The following DACH1 variants were observed in gnomAD, a reference collection of about 807,000 sequenced individuals.
DACH1 encodes the protein dachshund homolog 1.
DACH1 carries 12 observed loss-of-function variants against 54.2 expected under a neutral mutation model. The observed-to-expected ratio is 0.22, with a 90% CI of 0.14 to 0.36. The LOEUF (loss-of-function observed/expected upper bound fraction) is 0.36, where lower values mean the gene tolerates loss of function less well. DACH1 is among the 10% of genes least tolerant of loss of function. DACH1 has a pLI of 1.00. For synonymous variants in DACH1, 386 were observed against 366.2 expected (o/e 1.05, Z -0.62); for missense variants, 805 against 929.8 (o/e 0.87, Z 1.75).
At chr13:71,737,450 C>T (rs1478022421) in intron 1 of DACH1, among the ~76,000 whole-genome samples, 1 of 151,992 alleles carries the variant, frequency 6.6e-6, no homozygotes, top group African/African-American at 2.4e-5. Context: ...ACTAAAGCCA[C>T]AGAACATACA....
intron 1 of DACH1, among the ~76,000 whole-genome samples, chr13:71,761,915 G>T (rs1013461725): frequency 6.6e-6 from 1 of 151,922 alleles, no homozygotes; most frequent in African/African-American, 2.4e-5. Context: ...TGATTTAATA[G>T]ATAATATTTA....
intron 2 of DACH1, among the ~76,000 whole-genome samples, chr13:71,641,233 A>G (rs1877875428): frequency 1.3e-5 from 2 of 152,136 alleles, no homozygotes; most frequent in Non-Finnish European, 2.9e-5. Context: ...ATATACATAC[A>G]TATGTATGAA....
At chr13:71,654,454 T>TAAAATAAAATAAAATAAAATAAAATAAA (rs1287260256) in intron 2 of DACH1, among the ~76,000 whole-genome samples, 2 of 113,494 alleles carry the variant, frequency 1.8e-5, no homozygotes, top group Non-Finnish European at 3.8e-5. Context: ...TAAAATAAAA[T>TAAAATAAAATAAAATAAAATAAAATAAA]AAAGTAAAAT....
At chr13:71,544,721 A>C (rs1366180238) in intron 6 of DACH1, among the ~76,000 whole-genome samples, 2 of 152,140 alleles carry the variant, frequency 1.3e-5, no homozygotes, top group Non-Finnish European at 2.9e-5. Flanking sequence ...TGTGACAGAC[A>C]CTGAAGATCC....
chr13:71,785,035 T>G (rs1687301175), intron 1 of DACH1, among the ~76,000 whole-genome samples: 2 of 152,112 alleles, frequency 1.3e-5, no homozygotes, highest in Admixed American at 1.3e-4. Context: ...GGAAATAAAA[T>G]ATGCTAACAG....
intron 7 of DACH1, among the ~76,000 whole-genome samples, chr13:71,486,817 TATCTATCTATCTATC>T (rs1566289998): frequency 1.6e-3 from 10 of 6,306 alleles, no homozygotes; most frequent in African/African-American, 1.9e-3. Context: ...TTTATTTATC[TATCTATCTATCTATC>T]TATCTATCTA....
At chr13:71,578,283 G>C (rs966017223) in intron 3 of DACH1, among the ~76,000 whole-genome samples, 2 of 152,050 alleles carry the variant, frequency 1.3e-5, no homozygotes, top group Non-Finnish European at 2.9e-5. Context: ...TGAAAATGAC[G>C]GCAAGAGCAG....
chr13:71,748,844 C>CTCTTTCTTTCTT (rs201889116), intron 1 of DACH1, among the ~76,000 whole-genome samples: 56 of 131,218 alleles, frequency 4.3e-4, no homozygotes, highest in East Asian at 1.6e-3. Flanking sequence ...AATATTTTTT[C>CTCTTTCTTTCTT]TCTTTCTTTC....
chr13:71,617,663 C>G (rs114728221), intron 3 of DACH1, among the ~76,000 whole-genome samples: 1 of 152,168 alleles, frequency 6.6e-6, no homozygotes, highest in Admixed American at 6.5e-5. Flanking sequence ...ACAACATTTA[C>G]AACTACTCTA....
chr13:71,492,918 C>T (rs1027873090), intron 6 of DACH1, among the ~76,000 whole-genome samples: 1 of 151,820 alleles, frequency 6.6e-6, no homozygotes, highest in Admixed American at 6.6e-5. Flanking sequence ...ATGAAGAATA[C>T]GATGATTTAA....
chr13:71,672,786 T>C (rs1202292971), intron 2 of DACH1, among the ~76,000 whole-genome samples: 4 of 152,126 alleles, frequency 2.6e-5, no homozygotes, highest in Non-Finnish European at 5.9e-5. Context: ...ACATCCACAA[T>C]GTAACCAAGG....
chr13:71,659,356 C>T (rs1251986277), intron 2 of DACH1, among the ~76,000 whole-genome samples: 10 of 152,128 alleles, frequency 6.6e-5, no homozygotes, highest in African/African-American at 2.4e-4. Flanking sequence ...TGGAAAGTTA[C>T]TTGAATTTCA....
At chr13:71,556,130 G>A (rs193075234) in intron 6 of DACH1, among the ~76,000 whole-genome samples, 7 of 152,104 alleles carry the variant, frequency 4.6e-5, no homozygotes, top group Admixed American at 1.3e-4. Flanking sequence ...CTCCCTCCAC[G>A]CATTTATTCC....
chr13:71,457,197 C>CT lies in DACH1; in HGVS notation c.2084-16506dup, dbSNP rs563261025. ...TTACAATGAGAGTAAATTATTGTTG[C>CT]TTTTTTGTTTATGACTCTATTCAAT... On this transcript the variant is annotated intron_variant, in intron 10 of 10. Coordinates refer to ENST00000613252, the MANE Select transcript of DACH1 (RefSeq NM_080759.6). Among the ~76,000 whole-genome samples the CT allele has an allele frequency of 3.9e-5, 6 of 151,984 alleles. No individual in the cohort carries two copies. In the South Asian group the frequency reaches 1.2e-3, roughly 32 times the overall value.
intron 1 of DACH1, among the ~76,000 whole-genome samples, chr13:71,859,274 A>T (rs1874200599): frequency 6.6e-6 from 1 of 151,564 alleles, no homozygotes; most frequent in Admixed American, 6.6e-5. Context: ...ATGAAAGATG[A>T]TTTTTTTTAA....
At chr13:71,508,997 T>G (rs1297339811) in intron 6 of DACH1, among the ~76,000 whole-genome samples, 1 of 152,162 alleles carries the variant, frequency 6.6e-6, no homozygotes, top group Non-Finnish European at 1.5e-5. Context: ...AATTATCCCT[T>G]CAAAATATTC....
intron 6 of DACH1, among the ~76,000 whole-genome samples, chr13:71,532,397 T>G (rs1466811862): frequency 6.6e-6 from 1 of 151,954 alleles, no homozygotes; most frequent in African/African-American, 2.4e-5. Flanking sequence ...TTTCAGATAT[T>G]CATTTGACAC....
chr13:71,440,588 T>A lies in DACH1; in HGVS notation c.*67A>T. On this transcript the variant is annotated 3_prime_UTR_variant, in exon 11 of 11. Coordinates refer to ENST00000613252, the MANE Select transcript of DACH1 (RefSeq NM_080759.6). ...AAAAGGACTTTATTTTTTTCTGAAC[T>A]TTCCCATGACGAATGTCTGACTGCA... 1 of 1,323,254 alleles carries A rather than the reference T, an allele frequency of 7.6e-7. No individual in the cohort carries two copies. The highest frequency in any genetic ancestry group is 1.1e-6 in the Non-Finnish European group (1 of 944,704). 82.0% of individuals were successfully genotyped at this position (1,323,254 alleles called of 1,614,324 possible). A position where few individuals can be genotyped will look rare whatever the true frequency, so the allele number is the denominator to read the frequency against.
intron 6 of DACH1, among the ~76,000 whole-genome samples, chr13:71,549,150 G>A (rs1883647365): frequency 1.3e-5 from 2 of 151,946 alleles, no homozygotes; most frequent in Non-Finnish European, 1.5e-5. Context: ...CAAATAATAA[G>A]TTATCCAATC....
Sources: allele counts gnomAD v4.1 joint callset (sites outside exome capture counted in the v4.1 genomes callset), GRCh38; gene constraint gnomAD v4.1.1; transcripts MANE v1.5; gene names NCBI Gene and HGNC (gene_info 2026-07-23, HGNC 2026-07-21).